Variants in CHDH observed in about 807,000 individuals in gnomAD.
CHDH encodes choline dehydrogenase.
CHDH carries 43 observed loss-of-function variants against 56.9 expected under a neutral mutation model. The observed-to-expected ratio is 0.76, with a 90% CI of 0.59 to 0.97. The LOEUF is 0.97. Among genes scored for constraint, CHDH ranks in the 50% least tolerant of loss-of-function variants. CHDH has a pLI of 0.00. For missense variants in CHDH, 816 were observed against 821.1 expected (o/e 0.99, Z 0.08); for synonymous variants, 364 against 348.5 (o/e 1.04, Z -0.50).
rs1321763258 is a variant in CHDH at position 53,834,774 on chromosome 3, G to A, written c.-60+6155C>T. ...TTTCTTCCTCACCACATCTTGGTGT[G>A]CACACATGTTTTCTTTCTAGCTCTT... On this transcript the variant is annotated intron_variant, in intron 2 of 8. Coordinates refer to ENST00000315251, the MANE Select transcript of CHDH (RefSeq NM_018397.5). Among the ~76,000 whole-genome samples, 5 of 152,174 alleles carry A rather than the reference G, an allele frequency of 3.3e-5. No homozygotes were observed. The East Asian group carries it at 7.7e-4, about 23-fold the overall frequency.
At chr3:53,839,511 G>C (rs1005719638) in intron 2 of CHDH, among the ~76,000 whole-genome samples, 1 of 152,248 alleles carries the variant, frequency 6.6e-6, no homozygotes, top group African/African-American at 2.4e-5. Context: ...GAGTGCGTAT[G>C]TGAGGATGTC....
intron 2 of CHDH, among the ~76,000 whole-genome samples, chr3:53,825,311 G>C (rs974175114): frequency 1.3e-5 from 2 of 152,182 alleles, no homozygotes; most frequent in African/African-American, 4.8e-5. Context: ...AACAGACCAA[G>C]GAGTAATGCA....
At chr3:53,842,332 A>G (rs1244660201) in intron 1 of CHDH, among the ~76,000 whole-genome samples, 2 of 152,142 alleles carry the variant, frequency 1.3e-5, no homozygotes, top group Non-Finnish European at 2.9e-5. Flanking sequence ...TTCAAGTATC[A>G]TGGATCAAAA....
chr3:53,838,090 T>C (rs576951777), intron 2 of CHDH, among the ~76,000 whole-genome samples: 7 of 139,630 alleles, frequency 5.0e-5, no homozygotes, highest in Non-Finnish European at 9.2e-5. Flanking sequence ...AAAAAGAGAC[T>C]GTAAGATTGG....
chr3:53,839,426 T>G (rs537806197), intron 2 of CHDH, among the ~76,000 whole-genome samples: 1 of 152,316 alleles, frequency 6.6e-6, no homozygotes, highest in African/African-American at 2.4e-5. Context: ...AAGGGAAGCC[T>G]ACAGGCTGTG....
intron 2 of CHDH, among the ~76,000 whole-genome samples, chr3:53,834,600 A>C (rs1247952937): frequency 2.6e-5 from 4 of 152,246 alleles, no homozygotes; most frequent in African/African-American, 9.6e-5. Context: ...GGTAGAGTGA[A>C]GTTGCAAAAG....
rs117099761 is a variant in CHDH, at chr3:53,819,763, C to G, written c.1121-89G>C. 2 of 1,419,110 alleles carry G rather than the reference C, an allele frequency of 1.4e-6. No homozygotes were observed. Among genetic ancestry groups the G allele is most frequent in the Admixed American group, 2.7e-5 (1 of 37,660 alleles). 87.9% of individuals were successfully genotyped at this position (1,419,110 alleles called of 1,614,324 possible). A position where few individuals can be genotyped will look rare whatever the true frequency, so the allele number is the denominator to read the frequency against. ...CCTGGTTTCCCTCCTTTCTCCTGGC[C>G]GCTCCTCTTCCTTTTCCCGGACTCC... is the stretch of plus-strand genomic sequence containing the variant. On this transcript the variant is annotated intron_variant, in intron 6 of 8. Transcript: ENST00000315251. The surrounding 1 kb of genome is among the most constrained non-coding windows in gnomAD (Gnocchi z 5.4).
At position 53,817,161 on chromosome 3, in the gene CHDH, A is replaced by G. The variant is rs2095617325; in HGVS notation, c.*616T>C. ...AGAACCAGAGCCACAACCCTCTCAG[A>G]GTGACCCAGTGGAGCCCCAGTTACC... On this transcript the variant is annotated 3_prime_UTR_variant, in exon 9 of 9. Coordinates refer to ENST00000315251, the MANE Select transcript of CHDH (RefSeq NM_018397.5). 1 of 153,106 alleles carries G rather than the reference A, an allele frequency of 6.5e-6. No individual in the cohort carries two copies. The highest frequency in any genetic ancestry group is 6.5e-5 in the Admixed American group (1 of 15,438). The allele number at this position is 153,106 out of a possible 1,614,324, so 9.5% of individuals were successfully genotyped here. A position where few individuals can be genotyped will look rare whatever the true frequency, so the allele number is the denominator to read the frequency against.
Position 53,817,749 on chromosome 3 carries a change from C to T in CHDH, c.*28G>A. 6.4e-7 allele frequency: 1 copy of T among 1,558,134 alleles called. No individual in the cohort carries two copies. Among genetic ancestry groups the T allele is most frequent in the Non-Finnish European group, 8.7e-7 (1 of 1,152,436 alleles). On this transcript the variant is annotated 3_prime_UTR_variant, in exon 9 of 9. Coordinates refer to ENST00000315251, the MANE Select transcript of CHDH (RefSeq NM_018397.5). ...GCCCTCTTGGCTTATCAGGGGGCTT[C>T]CCTGGTCATCCTCCAGCAGCAACTG...
At chr3:53,837,148 T>C (rs1018271986) in intron 2 of CHDH, among the ~76,000 whole-genome samples, 7 of 152,068 alleles carry the variant, frequency 4.6e-5, no homozygotes, top group African/African-American at 1.2e-4. Context: ...GAGCTAGCAC[T>C]GTTCCACTGT....
intron 2 of CHDH, among the ~76,000 whole-genome samples, chr3:53,833,537 T>C (rs543216457): frequency 4.6e-5 from 7 of 152,268 alleles, no homozygotes; most frequent in Non-Finnish European, 1.0e-4. Flanking sequence ...AGGAGCTGCC[T>C]GGCATTGGCA....
chr3:53,823,712 G>T lies in CHDH; in HGVS notation c.297C>A (p.Cys99Ter). 1 of 1,551,072 alleles carries T rather than the reference G, an allele frequency of 6.4e-7. No homozygotes were observed. Among genetic ancestry groups the T allele is most frequent in the South Asian group, 1.2e-5 (1 of 84,294 alleles). ...GGTAGCACCAGTTGTACCTGTCGTC[G>T]CACAGGTTGGCCACCAGGGCCGCGG... is the stretch of plus-strand genomic sequence containing the variant. ...HMPAALVANL[C>*]DDRYNWCYHT... is the part of the protein sequence containing the mutation. The change falls in exon 3 of 9, where the codon TGC becomes TGA. Residue 99 changes from cysteine (C) to a stop codon, truncating the protein, a stop_gained. Coordinates refer to ENST00000315251, the MANE Select transcript of CHDH (RefSeq NM_018397.5). LOFTEE classifies it high-confidence loss of function.
chr3:53,831,997 T>C (rs1194110066), intron 2 of CHDH, among the ~76,000 whole-genome samples: 1 of 150,328 alleles, frequency 6.7e-6, no homozygotes, highest in African/African-American at 2.5e-5. Context: ...TTAATGAGGA[T>C]ATGGAGAAAT....
chr3:53,837,643 AGCCTGG>A (rs1473698893), intron 2 of CHDH, among the ~76,000 whole-genome samples: 1 of 151,962 alleles, frequency 6.6e-6, no homozygotes, highest in Non-Finnish European at 1.5e-5. Flanking sequence ...GTGCTTCCTC[AGCCTGG>A]GAACCTTGTG....
rs1320926666 is a variant in CHDH at position 53,819,782 on chromosome 3, G to A, written c.1121-108C>T. ...CCTGGCCGCTCCTCTTCCTTTTCCC[G>A]GACTCCACTCTAGTGCCTGGACCCA... On this transcript the variant is annotated intron_variant, in intron 6 of 8. Coordinates refer to ENST00000315251, the MANE Select transcript of CHDH (RefSeq NM_018397.5). This position sits in a 1 kb window ranked among gnomAD's most constrained non-coding sequence, Gnocchi z 5.4. The A allele has an allele frequency of 4.8e-5, 64 of 1,346,268 alleles. No individual in the cohort carries two copies. The highest frequency in any genetic ancestry group is 5.8e-5 in the Non-Finnish European group (58 of 1,005,598). The allele number at this position is 1,346,268 out of a possible 1,614,324, so 83.4% of individuals were successfully genotyped here.
At chr3:53,840,831 C>G (rs1294182503) in intron 2 of CHDH, 98 bp downstream of exon 2, 1 of 152,204 alleles carries the variant, frequency 6.6e-6, no homozygotes, top group East Asian at 1.9e-4. Flanking sequence ...AACGATTCCC[C>G]AGAAGTTTGG....
chr3:53,821,929 GA>G, intron 4 of CHDH, among the ~76,000 whole-genome samples, 153 bp from the exon 5 acceptor site: 1 of 152,302 alleles, frequency 6.6e-6, no homozygotes, highest in African/African-American at 2.4e-5. Context: ...CTAAGGAGAG[GA>G]AACTCACTGA....
At chr3:53,842,496 C>G (rs1363950857) in intron 1 of CHDH, among the ~76,000 whole-genome samples, 2 of 152,136 alleles carry the variant, frequency 1.3e-5, no homozygotes, top group African/African-American at 4.8e-5. Flanking sequence ...TCCTCTGCAT[C>G]CGAGGCTTTC....
intron 2 of CHDH, among the ~76,000 whole-genome samples, chr3:53,831,318 C>T (rs951481966): frequency 9.2e-5 from 14 of 152,228 alleles, no homozygotes; most frequent in East Asian, 5.8e-4. Flanking sequence ...TCTATCTGCC[C>T]GGGGCCTGGG....
Sources: gnomAD v4.1 joint callset for allele counts (sites outside exome capture counted in the v4.1 genomes callset) on GRCh38, gnomAD v4.1.1 for gene constraint, Gnocchi (gnomAD v3.1) non-coding constraint, MANE v1.5 for transcripts, NCBI Gene and HGNC (gene_info 2026-07-23, HGNC 2026-07-21) for gene names.